Variants in KCNK2 observed in about 807,000 individuals in gnomAD.
KCNK2 encodes the protein potassium two pore domain channel subfamily K member 2.
KCNK2 carries 21 observed loss-of-function variants against 40.5 expected under a neutral mutation model. That is an observed-to-expected ratio of 0.52 (90% CI 0.37 to 0.75). The LOEUF is 0.75. Among genes scored for constraint, KCNK2 ranks in the 30% least tolerant of loss-of-function variants. KCNK2 has a pLI of 0.00. For synonymous variants in KCNK2, 191 were observed against 202.2 expected (o/e 0.94, Z 0.47); for missense variants, 399 against 531.6 (o/e 0.75, Z 2.45).
At chr1:215,165,385 C>G (rs1053975690) in intron 3 of KCNK2, among the ~76,000 whole-genome samples, 6 of 152,048 alleles carry the variant, frequency 3.9e-5, no homozygotes, top group African/African-American at 1.4e-4. Flanking sequence ...TGCCATTGTC[C>G]CTTATAAAGA....
At chr1:215,069,652 TAAC>T (rs141584272) in intron 1 of KCNK2, among the ~76,000 whole-genome samples, 9,747 of 152,240 alleles carry the variant, frequency 0.064, 841 homozygotes, top group African/African-American at 0.2. Context: ...GGGGTCTCAT[TAAC>T]AAGTTGGGGT....
At chr1:215,151,559 T>A (rs913546450) in intron 3 of KCNK2, among the ~76,000 whole-genome samples, 5 of 152,150 alleles carry the variant, frequency 3.3e-5, no homozygotes, top group African/African-American at 1.2e-4. Flanking sequence ...TATAAGTTCA[T>A]GAAGTTCCAC....
chr1:215,173,132 AC>A (rs1310499170), intron 5 of KCNK2, among the ~76,000 whole-genome samples: 1 of 151,924 alleles, frequency 6.6e-6, no homozygotes, highest in Non-Finnish European at 1.5e-5. Flanking sequence ...CCTCCACCCC[AC>A]AACAGGCCCT....
chr1:215,192,605 T>A (rs761771043), intron 5 of KCNK2, among the ~76,000 whole-genome samples: 5 of 152,210 alleles, frequency 3.3e-5, no homozygotes, highest in Non-Finnish European at 5.9e-5. Context: ...AATGTCATTT[T>A]GGTTTCATTG....
intron 3 of KCNK2, among the ~76,000 whole-genome samples, chr1:215,148,736 T>G (rs1662553277): frequency 6.6e-6 from 1 of 152,140 alleles, no homozygotes; most frequent in East Asian, 1.9e-4. Context: ...GTTCCTCTAA[T>G]GGCAGAAAAG....
intron 2 of KCNK2, among the ~76,000 whole-genome samples, chr1:215,094,141 T>C (rs1238030570): frequency 6.6e-6 from 1 of 150,646 alleles, no homozygotes; most frequent in Non-Finnish European, 1.5e-5. Flanking sequence ...AAGAGTACAA[T>C]TATTTTTTAT....
intron 5 of KCNK2, among the ~76,000 whole-genome samples, chr1:215,191,976 C>G (rs550689314): frequency 6.6e-6 from 1 of 152,028 alleles, no homozygotes; most frequent in African/African-American, 2.4e-5. Flanking sequence ...AAATTACACT[C>G]GATTCTTAGT....
At chr1:215,147,117 A>G (rs2363557) in intron 3 of KCNK2, among the ~76,000 whole-genome samples, 116,863 of 152,096 alleles carry the variant, frequency 0.77, 45,197 homozygotes, top group Non-Finnish European at 0.79. Context: ...GAGACTGAAA[A>G]TTAAGACTCC....
intron 1 of KCNK2, among the ~76,000 whole-genome samples, chr1:215,016,359 T>A (rs928813753): frequency 2.6e-5 from 4 of 152,006 alleles, no homozygotes; most frequent in African/African-American, 9.7e-5. Flanking sequence ...AAATCTACTA[T>A]AAAGCTACAG....
At chr1:215,037,358 CT>C (rs1409096902) in intron 1 of KCNK2, among the ~76,000 whole-genome samples, 7 of 151,880 alleles carry the variant, frequency 4.6e-5, no homozygotes, top group Non-Finnish European at 1.0e-4. Context: ...TTAAGCCAAT[CT>C]TATGCTCCTG....
At chr1:215,122,845 C>G (rs1235732684) in intron 2 of KCNK2, among the ~76,000 whole-genome samples, 1 of 148,978 alleles carries the variant, frequency 6.7e-6, no homozygotes, top group Non-Finnish European at 1.5e-5. Flanking sequence ...TCCGGGTTCA[C>G]ACCATTCTCC....
chr1:215,167,698 C>G (rs1184641280), intron 3 of KCNK2, among the ~76,000 whole-genome samples: 1 of 152,072 alleles, frequency 6.6e-6, no homozygotes, highest in Non-Finnish European at 1.5e-5. Flanking sequence ...AAACTTTAAT[C>G]TTTAAATAAC....
At chr1:215,019,399 CT>C (rs1656707691) in intron 1 of KCNK2, among the ~76,000 whole-genome samples, 1 of 152,180 alleles carries the variant, frequency 6.6e-6, no homozygotes, top group Non-Finnish European at 1.5e-5. Context: ...TTATTCTCCC[CT>C]AGAGAAACAC....
At chr1:215,111,747 G>A (rs930370103) in intron 2 of KCNK2, among the ~76,000 whole-genome samples, 3 of 151,790 alleles carry the variant, frequency 2.0e-5, no homozygotes, top group Non-Finnish European at 2.9e-5. Context: ...ATCAGTATGC[G>A]GAGATTTAGT....
At chr1:215,039,438 T>C (rs1657492359) in intron 1 of KCNK2, among the ~76,000 whole-genome samples, 1 of 152,168 alleles carries the variant, frequency 6.6e-6, no homozygotes, top group African/African-American at 2.4e-5. Context: ...ATAAACCCCA[T>C]CTATAGTTAT....
intron 3 of KCNK2, among the ~76,000 whole-genome samples, chr1:215,159,760 TG>T: frequency 6.6e-6 from 1 of 152,270 alleles, no homozygotes; most frequent in African/African-American, 2.4e-5. Context: ...ACTTATTAAT[TG>T]CAAAAGAAAA....
At chr1:215,060,985 A>G (rs959436608) in intron 1 of KCNK2, among the ~76,000 whole-genome samples, 2 of 152,174 alleles carry the variant, frequency 1.3e-5, no homozygotes, top group African/African-American at 4.8e-5. Flanking sequence ...ACACAACTGT[A>G]TTTTAATAGA....
chr1:215,017,239 G>A (rs1002520894), intron 1 of KCNK2, among the ~76,000 whole-genome samples: 1 of 152,066 alleles, frequency 6.6e-6, no homozygotes, highest in African/African-American at 2.4e-5. Context: ...CCACTGTTGG[G>A]TGTATATCCC....
At chr1:215,024,022 C>G (rs1656906820) in intron 1 of KCNK2, among the ~76,000 whole-genome samples, 1 of 152,178 alleles carries the variant, frequency 6.6e-6, no homozygotes, top group Non-Finnish European at 1.5e-5. Flanking sequence ...AGAAGTAAAA[C>G]TGCTGCCAAG....
Sources: allele counts gnomAD v4.1 joint callset (sites outside exome capture counted in the v4.1 genomes callset), GRCh38; gene constraint gnomAD v4.1.1; transcripts MANE v1.5; gene names NCBI Gene and HGNC (gene_info 2026-07-23, HGNC 2026-07-21).